SLC14A2: variants seen among roughly 807,000 people sequenced by gnomAD.
SLC14A2 encodes urea transporter 2.
Under a neutral mutation model 104.6 loss-of-function variants are expected in SLC14A2, and 91 were observed. The observed-to-expected ratio is 0.87, with a 90% CI of 0.73 to 1.04. The LOEUF is 1.04. Among genes scored for constraint, SLC14A2 ranks in the 50% least tolerant of loss-of-function variants. The pLI is 0.00. For synonymous variants in SLC14A2, 476 were observed against 466.4 expected (o/e 1.02, Z -0.27); for missense variants, 1,189 against 1,156.0 (o/e 1.03, Z -0.41).
At chr18:45,499,191 C>T (rs2043151277) in intron 2 of SLC14A2, among the ~76,000 whole-genome samples, 1 of 152,156 alleles carries the variant, frequency 6.6e-6, no homozygotes, top group East Asian at 1.9e-4. Context: ...ACTCTGATGG[C>T]AATGTTAGAG....
At chr18:45,274,421 T>C (rs745903378) in intron 1 of SLC14A2, among the ~76,000 whole-genome samples, 22 of 152,222 alleles carry the variant, frequency 1.4e-4, no homozygotes, top group Non-Finnish European at 3.1e-4. Flanking sequence ...TTGACCATTG[T>C]TTGCCAAGGC....
chr18:45,223,791 T>A (rs552347140), intron 1 of SLC14A2, among the ~76,000 whole-genome samples: 1 of 152,300 alleles, frequency 6.6e-6, no homozygotes, highest in Admixed American at 6.5e-5. Flanking sequence ...GAGGTGGGGC[T>A]TTGGAAACCC....
chr18:45,364,694 C>G (rs9957358), intron 1 of SLC14A2, among the ~76,000 whole-genome samples: 45,082 of 151,966 alleles, frequency 0.3, 7,055 homozygotes, highest in African/African-American at 0.38. Context: ...TTACAAGCAG[C>G]AGGGATTGGG....
chr18:45,463,688 A>G (rs1368868505), intron 1 of SLC14A2, among the ~76,000 whole-genome samples: 1 of 152,200 alleles, frequency 6.6e-6, no homozygotes, highest in Non-Finnish European at 1.5e-5. Flanking sequence ...CACAGTGCAC[A>G]GAGGTGAATC....
chr18:45,617,035 T>C (rs1040016324), intron 1 of SLC14A2, among the ~76,000 whole-genome samples: 1 of 151,790 alleles, frequency 6.6e-6, no homozygotes, highest in Non-Finnish European at 1.5e-5. Flanking sequence ...GAGGTGGAGG[T>C]TGCAGGGAGC....
At chr18:45,630,692 A>G (rs2045329552) in intron 4 of SLC14A2, among the ~76,000 whole-genome samples, 1 of 152,230 alleles carries the variant, frequency 6.6e-6, no homozygotes, top group Admixed American at 6.5e-5. Context: ...TAGAGAAAAT[A>G]CAAACACACT....
chr18:45,475,252 T>C (rs1335671823), intron 1 of SLC14A2, among the ~76,000 whole-genome samples: 2 of 150,804 alleles, frequency 1.3e-5, no homozygotes, highest in Non-Finnish European at 3.0e-5. Context: ...ACAGTTATGA[T>C]TTCTGTTCTT....
chr18:45,247,442 T>G (rs978161208), intron 1 of SLC14A2, among the ~76,000 whole-genome samples: 11 of 152,204 alleles, frequency 7.2e-5, no homozygotes, highest in African/African-American at 2.7e-4. Context: ...TAAACATCCT[T>G]GGGTTCTGGC....
chr18:45,624,883 C>T (rs1484872), intron 2 of SLC14A2, 69 bp downstream of exon 2: 155,097 of 1,472,698 alleles, frequency 0.11, 9,240 homozygotes, highest in Non-Finnish European at 0.12. Context: ...CAAAAGATGC[C>T]GCTTTCCCAC....
At chr18:45,673,390 G>C (rs954972966) in intron 17 of SLC14A2, among the ~76,000 whole-genome samples, 1 of 152,194 alleles carries the variant, frequency 6.6e-6, no homozygotes, top group Non-Finnish European at 1.5e-5. Flanking sequence ...AGGAGGAGAG[G>C]TTCTCTTTCT....
At chr18:45,552,437 C>T (rs139623285) in intron 2 of SLC14A2, among the ~76,000 whole-genome samples, 10 of 152,090 alleles carry the variant, frequency 6.6e-5, no homozygotes, top group South Asian at 2.1e-4. Context: ...CTCCCACCCC[C>T]CAACCCCCGT....
intron 2 of SLC14A2, among the ~76,000 whole-genome samples, chr18:45,578,236 C>T (rs1165331826): frequency 6.6e-6 from 1 of 152,226 alleles, no homozygotes; most frequent in Non-Finnish European, 1.5e-5. Flanking sequence ...ACCTTTAGGG[C>T]CTAGACCTTC....
At chr18:45,414,738 C>A (rs1472372246) in intron 1 of SLC14A2, among the ~76,000 whole-genome samples, 1 of 70,140 alleles carries the variant, frequency 1.4e-5, no homozygotes, top group Non-Finnish European at 2.6e-5. Flanking sequence ...TGCAAGGCAC[C>A]GAGCGTAAAA....
intron 2 of SLC14A2, among the ~76,000 whole-genome samples, chr18:45,625,063 C>A (rs1311175442): frequency 6.6e-6 from 1 of 152,188 alleles, no homozygotes; most frequent in Non-Finnish European, 1.5e-5. Flanking sequence ...TCTCTAAAAT[C>A]TTTCCCCTTA....
intron 2 of SLC14A2, among the ~76,000 whole-genome samples, chr18:45,587,176 T>C (rs1438692151): frequency 2.6e-5 from 4 of 152,104 alleles, no homozygotes. Flanking sequence ...GGTTTTACCA[T>C]ATTGGCCAGG....
chr18:45,384,955 G>A (rs1315441786), intron 1 of SLC14A2, among the ~76,000 whole-genome samples: 1 of 152,206 alleles, frequency 6.6e-6, no homozygotes, highest in Non-Finnish European at 1.5e-5. Context: ...AAGATGAACA[G>A]GGAGCTTTTA....
At chr18:45,285,653 G>A (rs901538613) in intron 1 of SLC14A2, among the ~76,000 whole-genome samples, 8 of 112,564 alleles carry the variant, frequency 7.1e-5, no homozygotes, top group African/African-American at 3.5e-4. Context: ...CCTGACCTCA[G>A]GTGATCTGCC....
chr18:45,477,291 G>T (rs1472999538), intron 1 of SLC14A2, among the ~76,000 whole-genome samples: 1 of 152,206 alleles, frequency 6.6e-6, no homozygotes, highest in African/African-American at 2.4e-5. Context: ...GACCTTGTTT[G>T]CCTGGGTATC....
At chr18:45,517,136 G>A (rs894369422) in intron 2 of SLC14A2, among the ~76,000 whole-genome samples, 3 of 152,164 alleles carry the variant, frequency 2.0e-5, no homozygotes, top group Non-Finnish European at 2.9e-5. Flanking sequence ...GGACACAGAG[G>A]GCTCAGGGCC....
Sources: allele counts gnomAD v4.1 joint callset (sites outside exome capture counted in the v4.1 genomes callset), GRCh38; gene constraint gnomAD v4.1.1; transcripts MANE v1.5; gene names NCBI Gene and HGNC (gene_info 2026-07-23, HGNC 2026-07-21).